Variants in GRM8 observed in about 807,000 individuals in gnomAD.
The protein encoded by GRM8 is metabotropic glutamate receptor 8.
Under a neutral mutation model 87.2 loss-of-function variants are expected in GRM8, and 47 were observed. The observed-to-expected ratio is 0.54, with a 90% CI of 0.43 to 0.69. GRM8 has a LOEUF of 0.69. Ranked by LOEUF, GRM8 falls within the 30% of genes least tolerant of loss-of-function variation. GRM8 has a pLI of 0.00. For synonymous variants in GRM8, 396 were observed against 404.5 expected, an observed-to-expected ratio of 0.98 and a Z score of 0.25; for missense variants, 1,019 against 1,139.2, an observed-to-expected ratio of 0.89 and a Z score of 1.52.
intron 6 of GRM8, among the ~76,000 whole-genome samples, chr7:126,800,970 T>C (rs1359790159): frequency 1.3e-5 from 2 of 152,102 alleles, no homozygotes; most frequent in African/African-American, 4.8e-5. Flanking sequence ...ATATTGTATA[T>C]GGAAAAAGCT....
intron 7 of GRM8, among the ~76,000 whole-genome samples, chr7:126,712,987 C>T (rs1026000986): frequency 2.0e-5 from 3 of 152,146 alleles, no homozygotes; most frequent in African/African-American, 7.2e-5. Context: ...CACTTTTACA[C>T]TGTTTTGGTG....
intron 7 of GRM8, among the ~76,000 whole-genome samples, chr7:126,647,773 T>C (rs7797602): frequency 0.83 from 126,256 of 152,098 alleles, 52,851 homozygotes; most frequent in East Asian, 0.94. Context: ...TGTTACCACC[T>C]TAAGTTGAAT....
At chr7:126,895,112 A>G (rs1321327959) in intron 6 of GRM8, among the ~76,000 whole-genome samples, 2 of 152,058 alleles carry the variant, frequency 1.3e-5, no homozygotes, top group Non-Finnish European at 2.9e-5. Flanking sequence ...TACTAATGAG[A>G]AAAACACGCA....
rs143754269 is a variant in GRM8, at chr7:126,439,124, T to C, written c.2722A>G (p.Ile908Val). The C allele has an allele frequency of 2.5e-5, 39 of 1,569,622 alleles. No homozygotes were observed. Among genetic ancestry groups the C allele is most frequent in the Admixed American group, 8.4e-5 (5 of 59,840 alleles). Residue 908 changes from isoleucine (I) to valine (V), a missense_variant, in exon 11 of 11, where the codon ATC becomes GTC. By Grantham distance (29) the Ile-to-Val change is conservative. Coordinates refer to ENST00000339582, the MANE Select transcript of GRM8 (RefSeq NM_000845.3). ...GATTGTGCCATTTCCCTGTTTCAGA[T>C]TGAATGATTGCTGTAACTGATATAT... ...TTYISYSNHS[I>V]
chr7:127,197,145 A>C (rs1312400735), intron 2 of GRM8, among the ~76,000 whole-genome samples: 1 of 152,218 alleles, frequency 6.6e-6, no homozygotes. Flanking sequence ...ACACTAGCAC[A>C]TTTAAGCATA....
intron 3 of GRM8, among the ~76,000 whole-genome samples, chr7:126,942,432 G>T (rs1807060028): frequency 6.6e-6 from 1 of 152,138 alleles, no homozygotes; most frequent in Admixed American, 6.5e-5. Flanking sequence ...GAAGCAGTGG[G>T]TGCTTAAGCA....
chr7:127,086,025 G>T (rs1425276728), intron 3 of GRM8, among the ~76,000 whole-genome samples: 1 of 152,178 alleles, frequency 6.6e-6, no homozygotes, highest in Non-Finnish European at 1.5e-5. Context: ...GGGCCCTCTG[G>T]ATCATAAAAT....
At chr7:127,063,036 A>G (rs1387221416) in intron 3 of GRM8, among the ~76,000 whole-genome samples, 2 of 151,346 alleles carry the variant, frequency 1.3e-5, no homozygotes, top group Non-Finnish European at 2.9e-5. Flanking sequence ...ATGGATCACA[A>G]AGTCAGGAGA....
At chr7:126,686,203 T>G (rs543422240) in intron 7 of GRM8, among the ~76,000 whole-genome samples, 1 of 152,086 alleles carries the variant, frequency 6.6e-6, no homozygotes, top group African/African-American at 2.4e-5. Flanking sequence ...AGCTGCCCAC[T>G]GAGAGTCTCT....
At chr7:126,459,823 G>A (rs1201831380) in intron 9 of GRM8, among the ~76,000 whole-genome samples, 1 of 151,380 alleles carries the variant, frequency 6.6e-6, no homozygotes, top group Non-Finnish European at 1.5e-5. Context: ...CTGAAAGGGT[G>A]GAAAGCATAA....
chr7:126,769,374 T>C (rs879133737), intron 7 of GRM8, among the ~76,000 whole-genome samples: 3 of 152,176 alleles, frequency 2.0e-5, no homozygotes, highest in East Asian at 1.9e-4. Flanking sequence ...GACTGAGTCA[T>C]TGAGAAAAAT....
At chr7:126,842,607 A>C (rs554085990) in intron 6 of GRM8, among the ~76,000 whole-genome samples, 2 of 152,318 alleles carry the variant, frequency 1.3e-5, no homozygotes, top group African/African-American at 2.4e-5. Flanking sequence ...ATTACCCTGG[A>C]TTATCTCAGA....
chr7:127,067,303 T>C (rs1164303347), intron 3 of GRM8, among the ~76,000 whole-genome samples: 1 of 152,192 alleles, frequency 6.6e-6, no homozygotes, highest in Non-Finnish European at 1.5e-5. Context: ...TTCTGCAACA[T>C]ATACCCATCA....
chr7:127,016,173 C>T (rs1011448498), intron 3 of GRM8, among the ~76,000 whole-genome samples: 2 of 151,984 alleles, frequency 1.3e-5, no homozygotes, highest in African/African-American at 2.4e-5. Flanking sequence ...AGGGGAGAAG[C>T]ATCTCTAAAA....
At chr7:127,194,264 A>T (rs1795172546) in intron 2 of GRM8, among the ~76,000 whole-genome samples, 1 of 152,230 alleles carries the variant, frequency 6.6e-6, no homozygotes, top group African/African-American at 2.4e-5. Flanking sequence ...TAACTTCATC[A>T]ATCTCTCTTA....
At chr7:126,625,653 A>G (rs1219376655) in intron 7 of GRM8, among the ~76,000 whole-genome samples, 1 of 152,198 alleles carries the variant, frequency 6.6e-6, no homozygotes. Context: ...AATTGCATTT[A>G]TAGTACTCAA....
At chr7:126,710,822 T>C (rs1448238911) in intron 7 of GRM8, among the ~76,000 whole-genome samples, 1 of 152,218 alleles carries the variant, frequency 6.6e-6, no homozygotes, top group Non-Finnish European at 1.5e-5. Context: ...AGGTGTTCAA[T>C]TTCCTTTGCC....
At chr7:127,091,512 C>T (rs2010184) in intron 3 of GRM8, among the ~76,000 whole-genome samples, 10,244 of 64,986 alleles carry the variant, frequency 0.16, 1,367 homozygotes, top group African/African-American at 0.27. Flanking sequence ...CCACCACCAT[C>T]CCACTGGTCA....
chr7:126,806,165 T>C (rs1792675020), intron 6 of GRM8, among the ~76,000 whole-genome samples: 1 of 152,200 alleles, frequency 6.6e-6, no homozygotes, highest in South Asian at 2.1e-4. Context: ...TGTTCAGATG[T>C]GTCCAGAGTT....
Sources: allele counts gnomAD v4.1 joint callset (sites outside exome capture counted in the v4.1 genomes callset), GRCh38; gene constraint gnomAD v4.1.1; transcripts MANE v1.5; gene names NCBI Gene and HGNC (gene_info 2026-07-23, HGNC 2026-07-21).